RPS6KC1: variants seen among roughly 807,000 people sequenced by gnomAD.
RPS6KC1 encodes inactive ribosomal protein S6 kinase delta-1.
Under a neutral mutation model 103.8 loss-of-function variants are expected in RPS6KC1, and 54 were observed. The ratio of observed to expected loss-of-function variants is 0.52; its 90% CI spans 0.42 to 0.65. RPS6KC1 has a LOEUF of 0.65. Among genes scored for constraint, RPS6KC1 ranks in the 30% least tolerant of loss-of-function variants. RPS6KC1 has a pLI of 0.00. For missense variants in RPS6KC1, 1,151 were observed against 1,253.8 expected, an observed-to-expected ratio of 0.92 and a Z score of 1.24; for synonymous variants, 439 against 438.7, an observed-to-expected ratio of 1.00 and a Z score of -0.01.
the RPS6KC1 span, among the ~76,000 whole-genome samples, chr1:213,298,870 C>T: frequency 6.6e-6 from 1 of 152,142 alleles, no homozygotes; most frequent in Non-Finnish European, 1.5e-5. Context: ...TGCTGTGTTA[C>T]AAATTTCTCC....
the RPS6KC1 span, among the ~76,000 whole-genome samples, chr1:213,575,990 T>A: frequency 6.6e-6 from 1 of 152,078 alleles, no homozygotes; most frequent in Non-Finnish European, 1.5e-5. Context: ...AAATGGGGGT[T>A]GTTTGACCCT....
the RPS6KC1 span, among the ~76,000 whole-genome samples, chr1:213,493,241 T>G: frequency 0.67 from 102,294 of 151,986 alleles, 34,859 homozygotes; most frequent in East Asian, 0.98. Flanking sequence ...TATGACTTTG[T>G]GTTCCTTATT....
the RPS6KC1 span, among the ~76,000 whole-genome samples, chr1:213,788,821 A>T: frequency 1.3e-5 from 2 of 152,272 alleles, no homozygotes; most frequent in African/African-American, 4.8e-5. Flanking sequence ...GTGAATTTGG[A>T]ATACAAAGTT....
intron 3 of RPS6KC1, among the ~76,000 whole-genome samples, chr1:213,088,558 T>C (rs182904240): frequency 1.3e-5 from 2 of 152,278 alleles, no homozygotes; most frequent in East Asian, 3.9e-4. Context: ...GGTTTCGCCA[T>C]GTTGCTCAGG....
chr1:213,091,510 G>A (rs527381613), intron 3 of RPS6KC1, among the ~76,000 whole-genome samples: 12 of 152,254 alleles, frequency 7.9e-5, no homozygotes, highest in South Asian at 6.2e-4. Flanking sequence ...ATTACAATCC[G>A]TTGGTCTGTC....
At chr1:213,630,349 C>G in the RPS6KC1 span, among the ~76,000 whole-genome samples, 2 of 152,250 alleles carry the variant, frequency 1.3e-5, no homozygotes, top group East Asian at 1.9e-4. Context: ...TCACTGACAC[C>G]CTTTTTTCCA....
chr1:213,458,411 C>T, the RPS6KC1 span, among the ~76,000 whole-genome samples: 1 of 151,914 alleles, frequency 6.6e-6, no homozygotes, highest in Admixed American at 6.6e-5. Flanking sequence ...TTGATGGACA[C>T]TTAGGTTGAT....
chr1:213,583,570 C>T, the RPS6KC1 span, among the ~76,000 whole-genome samples: 1 of 152,004 alleles, frequency 6.6e-6, no homozygotes, highest in Non-Finnish European at 1.5e-5. Flanking sequence ...ACTGTAATCC[C>T]AGCAATTTGG....
the RPS6KC1 span, among the ~76,000 whole-genome samples, chr1:213,514,463 G>A: frequency 2.8e-5 from 4 of 144,456 alleles, no homozygotes; most frequent in East Asian, 4.1e-4. Flanking sequence ...TCCCACCTAT[G>A]AGTGAGAACA....
At chr1:213,102,409 C>T (rs1337463588) in intron 3 of RPS6KC1, among the ~76,000 whole-genome samples, 3 of 152,114 alleles carry the variant, frequency 2.0e-5, no homozygotes, top group African/African-American at 7.2e-5. Context: ...TAACCTTCCA[C>T]TTCTTGGTTC....
chr1:213,672,557 CTA>C, the RPS6KC1 span, among the ~76,000 whole-genome samples: 1 of 152,152 alleles, frequency 6.6e-6, no homozygotes, highest in East Asian at 1.9e-4. Flanking sequence ...GGCCTTCCTG[CTA>C]TGTCTCTTAT....
chr1:213,508,582 G>A, the RPS6KC1 span, among the ~76,000 whole-genome samples: 1 of 152,108 alleles, frequency 6.6e-6, no homozygotes, highest in East Asian at 1.9e-4. Flanking sequence ...GTGGGTGATG[G>A]TTGCTGGGCA....
the RPS6KC1 span, among the ~76,000 whole-genome samples, chr1:213,425,887 C>T: frequency 6.6e-6 from 1 of 152,168 alleles, no homozygotes; most frequent in East Asian, 1.9e-4. Context: ...TGGTGACCAG[C>T]GGGAAGGTGG....
the RPS6KC1 span, among the ~76,000 whole-genome samples, chr1:213,728,995 G>T: frequency 7.2e-6 from 1 of 138,080 alleles, no homozygotes; most frequent in Non-Finnish European, 1.5e-5. Context: ...ACACAGGGCA[G>T]GGTAAGCACA....
At chr1:213,108,940 A>C (rs568676799) in intron 4 of RPS6KC1, among the ~76,000 whole-genome samples, 1 of 151,290 alleles carries the variant, frequency 6.6e-6, no homozygotes, top group Non-Finnish European at 1.5e-5. Flanking sequence ...GTGAGTCACC[A>C]CACCTGGCTG....
chr1:213,240,388 T>C (rs796869278), intron 10 of RPS6KC1, among the ~76,000 whole-genome samples: 30 of 152,258 alleles, frequency 2.0e-4, no homozygotes, highest in African/African-American at 6.7e-4. Flanking sequence ...TAAATGATAT[T>C]TAACTTTAGA....
chr1:213,183,832 C>T (rs143461503), intron 8 of RPS6KC1, among the ~76,000 whole-genome samples: 31 of 152,048 alleles, frequency 2.0e-4, no homozygotes, highest in Non-Finnish European at 3.7e-4. Flanking sequence ...AAAATTTTTG[C>T]GTAAAGCTGG....
chr1:213,748,085 A>G, the RPS6KC1 span, among the ~76,000 whole-genome samples: 3 of 152,202 alleles, frequency 2.0e-5, no homozygotes, highest in African/African-American at 7.2e-5. Flanking sequence ...TTTACAGCTT[A>G]GTAGAATAGC....
chr1:213,797,464 G>T, the RPS6KC1 span, among the ~76,000 whole-genome samples: 1 of 152,160 alleles, frequency 6.6e-6, no homozygotes, highest in African/African-American at 2.4e-5. Flanking sequence ...AAGGTTCAAA[G>T]GAAGTCCCAG....
Sources: gnomAD v4.1 joint callset for allele counts (sites outside exome capture counted in the v4.1 genomes callset) on GRCh38, gnomAD v4.1.1 for gene constraint, MANE v1.5 for transcripts, NCBI Gene and HGNC (gene_info 2026-07-23, HGNC 2026-07-21) for gene names.